ABLIM2: variants seen among roughly 807,000 people sequenced by gnomAD.
ABLIM2 encodes the protein actin-binding LIM protein 2.
In ABLIM2, 53 loss-of-function variants were observed where a neutral mutation model predicts 97.7. That is an observed-to-expected ratio of 0.54 (90% CI 0.44 to 0.68). The LOEUF (loss-of-function observed/expected upper bound fraction) is 0.68, where lower values mean the gene tolerates loss of function less well. Among genes scored for constraint, ABLIM2 ranks in the 30% least tolerant of loss-of-function variants. The pLI is 0.00. For missense variants in ABLIM2, 835 were observed against 867.2 expected (o/e 0.96, Z 0.47); for synonymous variants, 361 against 345.8 (o/e 1.04, Z -0.49).
At chr4:8,110,153 A>G (rs1839601795) in intron 1 of ABLIM2, among the ~76,000 whole-genome samples, 1 of 152,256 alleles carries the variant, frequency 6.6e-6, no homozygotes, top group Non-Finnish European at 1.5e-5. Context: ...CACCCAGTCC[A>G]CATCTGAGGC....
Position 8,085,695 on chromosome 4 carries a change from C to A in ABLIM2, c.454+2474G>T, listed in dbSNP as rs1823099159. Among the ~76,000 whole-genome samples the A allele has an allele frequency of 6.6e-6, 1 of 152,104 alleles. No individual in the cohort carries two copies. Among genetic ancestry groups the A allele is most frequent in the African/African-American group, 2.4e-5 (1 of 41,406 alleles). On this transcript the variant is annotated intron_variant, in intron 4 of 20. Transcript: ENST00000447017. The surrounding 1 kb of genome is among the most constrained non-coding windows in gnomAD (Gnocchi z 6.1). ...TCCACTCACGTGGGTCTGGGGGTGC[C>A]CACGCTGCAGCCCCGTCCACTCACG...
chr4:8,019,296 G>A lies in ABLIM2; in HGVS notation c.1423+322C>T, dbSNP rs1295347133. On this transcript the variant is annotated intron_variant, in intron 14 of 20. Transcript: ENST00000447017. This position sits in a 1 kb window ranked among gnomAD's most constrained non-coding sequence, Gnocchi z 4.3. ...TCTGTCCCTCACCATCTTGGCTAAA[G>A]TCTCTCTGGCTGCATAATTGAAGGC... Among the ~76,000 whole-genome samples, 5 of 152,190 alleles carry A rather than the reference G, an allele frequency of 3.3e-5. No homozygotes were observed. The highest frequency in any genetic ancestry group is 5.9e-5 in the Non-Finnish European group (4 of 68,036).
In ABLIM2 at chr4:8,155,254, G is replaced by C. The variant is rs1247096186; in HGVS notation, c.10+3426C>G. ...TCTAACATTTTGTTGTTACTAGTAA[G>C]TCTGAGATGAATGTTTCTGTGGCTA... On this transcript the variant is annotated intron_variant, in intron 1 of 20. Coordinates refer to ENST00000447017, the MANE Select transcript of ABLIM2 (RefSeq NM_001130083.2). The surrounding 1 kb of genome is among the most constrained non-coding windows in gnomAD (Gnocchi z 4.2). Among the ~76,000 whole-genome samples the C allele has an allele frequency of 6.6e-6, 1 of 152,212 alleles. No individual in the cohort carries two copies. The highest frequency in any genetic ancestry group is 2.4e-5 in the African/African-American group (1 of 41,454).
intron 11 of ABLIM2, 69 bp downstream of exon 11, chr4:8,029,587 A>AC: frequency 2.2e-5 from 4 of 181,030 alleles, no homozygotes; most frequent in Non-Finnish European, 7.9e-6. Flanking sequence ...AAAAAAAACT[A>AC]AAAAAAAAAA....
chr4:8,056,304 TC>T (rs1188984609), intron 7 of ABLIM2, among the ~76,000 whole-genome samples: 19 of 130,144 alleles, frequency 1.5e-4, no homozygotes, highest in African/African-American at 4.5e-4. Context: ...TTTCTTTCTT[TC>T]TTTTTTTTTT....
At position 7,998,337 on chromosome 4, in the gene ABLIM2, G is replaced by A. The variant is rs1754809223; in HGVS notation, c.1619-5410C>T. On this transcript the variant is annotated intron_variant, in intron 16 of 20. Coordinates refer to ENST00000447017, the MANE Select transcript of ABLIM2 (RefSeq NM_001130083.2). The surrounding 1 kb of genome is among the most constrained non-coding windows in gnomAD (Gnocchi z 6.4). ...CTCTATTTGAGCAGGCTGTCACCCT[G>A]TTTAGGTTTCGCGTGTACAGCCTGT... is the stretch of plus-strand genomic sequence containing the variant. Among the ~76,000 whole-genome samples the A allele has an allele frequency of 6.6e-6, 1 of 152,162 alleles. No individual in the cohort carries two copies. The highest frequency in any genetic ancestry group is 6.5e-5 in the Admixed American group (1 of 15,272).
chr4:8,094,985 TCTTTC>T (rs1190576910), intron 3 of ABLIM2, among the ~76,000 whole-genome samples: 1 of 131,162 alleles, frequency 7.6e-6, no homozygotes, highest in Non-Finnish European at 1.6e-5. Context: ...CCTTTCTTTC[TCTTTC>T]TTTTCCTTTT....
In ABLIM2 at chr4:7,986,096, G is replaced by A. The variant is rs1359973233; in HGVS notation, c.1681-1203C>T. 2.0e-5 allele frequency among the ~76,000 whole-genome samples: 3 copies of A among 152,214 alleles called. No homozygotes were observed. Among genetic ancestry groups the A allele is most frequent in the Non-Finnish European group, 4.4e-5 (3 of 68,036 alleles). ...CGCTTCGTTCCCCAGCACCTGGAAC[G>A]GGGTCTCAAACGGGGTCAGGGCTCT... On this transcript the variant is annotated intron_variant, in intron 17 of 20. Coordinates refer to ENST00000447017, the MANE Select transcript of ABLIM2 (RefSeq NM_001130083.2). This position sits in a 1 kb window ranked among gnomAD's most constrained non-coding sequence, Gnocchi z 4.3.
intron 9 of ABLIM2, among the ~76,000 whole-genome samples, chr4:8,037,066 G>A (rs1784916774): frequency 6.6e-6 from 1 of 152,180 alleles, no homozygotes; most frequent in East Asian, 1.9e-4. Context: ...CAATGCAAAT[G>A]TTGGGTAAAT....
Position 8,123,594 on chromosome 4 carries a change from G to A in ABLIM2, c.11-16957C>T, listed in dbSNP as rs1270009331. Reference sequence around the variant, plus strand: ...GCCCAGGGAAAGCCAGGCCAGGCAGGGGAAACTGGCTGCAGAGGCTCTGTG... The same window carrying A: ...GCCCAGGGAAAGCCAGGCCAGGCAGAGGAAACTGGCTGCAGAGGCTCTGTG... On this transcript the variant is annotated intron_variant, in intron 1 of 20. Transcript: ENST00000447017. This position sits in a 1 kb window ranked among gnomAD's most constrained non-coding sequence, Gnocchi z 6.2. Among the ~76,000 whole-genome samples, 1 of 152,210 alleles carries A rather than the reference G, an allele frequency of 6.6e-6. No individual in the cohort carries two copies. Among genetic ancestry groups the A allele is most frequent in the Non-Finnish European group, 1.5e-5 (1 of 68,026 alleles).
intron 20 of ABLIM2, among the ~76,000 whole-genome samples, chr4:7,976,479 C>T (rs190035977): frequency 2.8e-4 from 43 of 152,282 alleles, no homozygotes; most frequent in Non-Finnish European, 4.9e-4. Context: ...TGCTCTTAGG[C>T]TAAAAACCAA....
rs770082389 is a variant in ABLIM2, at chr4:8,029,726, G to A, written c.1098C>T (p.Ser366=). Residue 366 remains serine (S), a synonymous_variant, in exon 11 of 21, where the codon AGC becomes AGT. Coordinates refer to ENST00000447017, the MANE Select transcript of ABLIM2 (RefSeq NM_001130083.2). ...GCCCGAGGCTAACCGACCCAGTGGA[G>A]CTTGGGCTGGAGGTCCGACACTGCT... ...SYKQCRTSSP[S]STGSVSLGRY... The A allele has an allele frequency of 1.6e-5, 25 of 1,556,638 alleles. No homozygotes were observed. Among genetic ancestry groups the A allele is most frequent in the Non-Finnish European group, 2.1e-5 (24 of 1,150,394 alleles).
chr4:8,092,859 G>T (rs1829586022), intron 3 of ABLIM2, among the ~76,000 whole-genome samples: 1 of 152,048 alleles, frequency 6.6e-6, no homozygotes, highest in South Asian at 2.1e-4. Flanking sequence ...TTTTTTAAAA[G>T]TTTTTTTGAG....
At position 8,124,864 on chromosome 4, in the gene ABLIM2, C is replaced by T. The variant is rs540311899; in HGVS notation, c.11-18227G>A. Among the ~76,000 whole-genome samples the T allele has an allele frequency of 3.3e-4, 51 of 152,292 alleles. No homozygotes were observed. The highest frequency in any genetic ancestry group is 9.6e-4 in the African/African-American group (40 of 41,560). ...TTTCCACACCGGGTTCTGATTTCTA[C>T]GCATCCCCACAGCCTGCTCTGGGTG... On this transcript the variant is annotated intron_variant, in intron 1 of 20. Transcript: ENST00000447017. This position sits in a 1 kb window ranked among gnomAD's most constrained non-coding sequence, Gnocchi z 6.1.
rs1197208444 is a variant in ABLIM2, at chr4:8,007,379, C to T, written c.1618+680G>A. ...TCCTCTCCCAGCCCCTGCTTCGAAGCTAAGCCCAAGCCTTGCCCAATGAAA... is the reference window on the plus strand; with the variant it reads ...TCCTCTCCCAGCCCCTGCTTCGAAGTTAAGCCCAAGCCTTGCCCAATGAAA... On this transcript the variant is annotated intron_variant, in intron 16 of 20. Transcript: ENST00000447017. 3 of 985,382 alleles carry T rather than the reference C, an allele frequency of 3.0e-6. No individual in the cohort carries two copies. In the Admixed American group the frequency reaches 1.8e-4, roughly 61 times the overall value. The allele number at this position is 985,382 out of a possible 1,614,324, so 61.0% of individuals were successfully genotyped here. A position where few individuals can be genotyped will look rare whatever the true frequency, so the allele number is the denominator to read the frequency against.
In ABLIM2 at chr4:8,083,904, C is replaced by G. The variant is rs1821529480; in HGVS notation, c.455-3102G>C. Among the ~76,000 whole-genome samples, 1 of 152,076 alleles carries G rather than the reference C, an allele frequency of 6.6e-6. No individual in the cohort carries two copies. Among genetic ancestry groups the G allele is most frequent in the South Asian group, 2.1e-4 (1 of 4,820 alleles). On this transcript the variant is annotated intron_variant, in intron 4 of 20. Coordinates refer to ENST00000447017, the MANE Select transcript of ABLIM2 (RefSeq NM_001130083.2). This position sits in a 1 kb window ranked among gnomAD's most constrained non-coding sequence, Gnocchi z 4.6. ...GGCTCCCTCTTCCACAAGATGTGGTCATGGTGGGGGTGGTTGTTGGGGGGT... is the reference window on the plus strand; with the variant it reads ...GGCTCCCTCTTCCACAAGATGTGGTGATGGTGGGGGTGGTTGTTGGGGGGT...
At chr4:7,993,025 G>A (rs1750196558) in intron 16 of ABLIM2, 98 bp from the exon 17 acceptor site, 1 of 1,314,242 alleles carries the variant, frequency 7.6e-7, no homozygotes, top group Non-Finnish European at 1.1e-6. Flanking sequence ...GGGCAAGGCT[G>A]GGCAAGCAAC....
At chr4:8,007,703 A>AT in intron 16 of ABLIM2, 1 of 1,046,052 alleles carries the variant, frequency 9.6e-7, no homozygotes. Flanking sequence ...GACCATGCCC[A>AT]TGTCTGCTCT....
At chr4:7,997,264 GT>G (rs907861505) in intron 16 of ABLIM2, among the ~76,000 whole-genome samples, 2 of 152,126 alleles carry the variant, frequency 1.3e-5, no homozygotes, top group African/African-American at 4.8e-5. Flanking sequence ...TAGAGACAGG[GT>G]TTCACCATGT....
Sources: gnomAD v4.1 joint callset for allele counts (sites outside exome capture counted in the v4.1 genomes callset) on GRCh38, gnomAD v4.1.1 for gene constraint, Gnocchi (gnomAD v3.1) non-coding constraint, MANE v1.5 for transcripts, NCBI Gene and HGNC (gene_info 2026-07-23, HGNC 2026-07-21) for gene names.